Variants in PCCB observed in about 807,000 individuals in gnomAD.
PCCB encodes propionyl-CoA carboxylase subunit beta, also known as propionyl-CoA carboxylase beta chain, mitochondrial.
In PCCB, 43 loss-of-function variants were observed where a neutral mutation model predicts 60.7. That is an observed-to-expected ratio of 0.71 (90% CI 0.55 to 0.91). The LOEUF (loss-of-function observed/expected upper bound fraction) is 0.91, where lower values mean the gene tolerates loss of function less well. Among genes scored for constraint, PCCB ranks in the 40% least tolerant of loss-of-function variants. PCCB has a pLI of 0.00. For missense variants in PCCB, 766 were observed against 702.8 expected, an observed-to-expected ratio of 1.09 and a Z score of -1.02; for synonymous variants, 276 against 255.9, an observed-to-expected ratio of 1.08 and a Z score of -0.75.
chr3:136,251,148 A>C (rs945190877), intron 1 of PCCB: 68 of 450,064 alleles, frequency 1.5e-4, no homozygotes, highest in African/African-American at 1.2e-3. Context: ...ACGTGTCGGA[A>C]GCAGGTGGCC....
At chr3:136,269,264 A>G (rs1942121461) in intron 5 of PCCB, among the ~76,000 whole-genome samples, 1 of 152,206 alleles carries the variant, frequency 6.6e-6, no homozygotes. Flanking sequence ...GTCTCAAAAC[A>G]AAACAAAATA....
At chr3:136,316,040 G>A (rs1217079148) in intron 9 of PCCB, among the ~76,000 whole-genome samples, 4 of 151,904 alleles carry the variant, frequency 2.6e-5, no homozygotes, top group South Asian at 2.1e-4. Context: ...GCAACATAGC[G>A]AGATCTCATC....
chr3:136,310,002 C>T (rs1332586488), intron 9 of PCCB, among the ~76,000 whole-genome samples: 6 of 151,832 alleles, frequency 4.0e-5, no homozygotes, highest in South Asian at 2.1e-4. Context: ...GATGCTAAAA[C>T]GGGAGGATTG....
intron 10 of PCCB, among the ~76,000 whole-genome samples, chr3:136,322,659 T>C (rs139149697): frequency 3.3e-5 from 5 of 152,348 alleles, no homozygotes; most frequent in African/African-American, 1.2e-4. Flanking sequence ...GGTTTTTATA[T>C]TTGCCCATGT....
At chr3:136,253,383 A>G (rs1355511240) in intron 1 of PCCB, among the ~76,000 whole-genome samples, 2 of 148,092 alleles carry the variant, frequency 1.4e-5, no homozygotes, top group South Asian at 2.1e-4. Flanking sequence ...GCCACTGCAC[A>G]TGGCCTCTTT....
In PCCB at chr3:136,260,057, TTTTTGTTTTGTTTTG is replaced by T. The variant is rs10602343; in HGVS notation, c.373-401_373-387del. ...GCGAGCCACCATGCCCGGGCAACTT[TTTTTGTTTTGTTTTG>T]TTTTGTTTTGTTTTGTTTTGAGACA... On this transcript the variant is annotated intron_variant, in intron 3 of 14. Coordinates refer to ENST00000251654, the MANE Select transcript of PCCB (RefSeq NM_000532.5). 1.1e-4 allele frequency: 29 copies of T among 256,628 alleles called. No homozygotes were observed. In the East Asian group the frequency reaches 2.6e-3, roughly 23 times the overall value. 15.9% of individuals were successfully genotyped at this position (256,628 alleles called of 1,614,324 possible). A position where few individuals can be genotyped will look rare whatever the true frequency, so the allele number is the denominator to read the frequency against.
chr3:136,293,474 G>A (rs1392798648), intron 6 of PCCB, among the ~76,000 whole-genome samples: 2 of 152,186 alleles, frequency 1.3e-5, no homozygotes, highest in South Asian at 4.1e-4. Context: ...CTGAGTAAGA[G>A]CCACCTGTTA....
At chr3:136,326,525 C>A in intron 10 of PCCB, 1 of 649,144 alleles carries the variant, frequency 1.5e-6, no homozygotes, top group Non-Finnish European at 2.8e-6. Context: ...TGGCTCCCTG[C>A]GGCAAGGCCG....
chr3:136,328,676 C>A, intron 13 of PCCB, 82 bp from the exon 14 acceptor site: 2 of 1,135,424 alleles, frequency 1.8e-6, no homozygotes, highest in South Asian at 2.5e-5. Flanking sequence ...GAAATTTGCA[C>A]CCACACACAG....
rs760159781 is a variant in PCCB, at chr3:136,306,766, T to A, written c.966+5655T>A. Among the ~76,000 whole-genome samples, 64 of 122,270 alleles carry A rather than the reference T, an allele frequency of 5.2e-4. 19 individuals carry two copies. The highest frequency in any genetic ancestry group is 6.0e-4 in the Non-Finnish European group (33 of 54,806). The allele number at this position is 122,270 out of a possible 152,430, so 80.2% of individuals were successfully genotyped here. A position where few individuals can be genotyped will look rare whatever the true frequency, so the allele number is the denominator to read the frequency against. Reference sequence around the variant, plus strand: ...GACTACAATGAAAGGCAAAGAAGAATGAACATACATATAATTGGAGTGTCT... The same window carrying A: ...GACTACAATGAAAGGCAAAGAAGAAAGAACATACATATAATTGGAGTGTCT... On this transcript the variant is annotated intron_variant, in intron 9 of 14. Coordinates refer to ENST00000251654, the MANE Select transcript of PCCB (RefSeq NM_000532.5).
At chr3:136,292,987 T>C (rs1354152848) in intron 6 of PCCB, among the ~76,000 whole-genome samples, 1 of 152,226 alleles carries the variant, frequency 6.6e-6, no homozygotes, top group African/African-American at 2.4e-5. Flanking sequence ...TATCACTCTT[T>C]AATAGCAAAG....
chr3:136,260,552 C>G lies in PCCB; in HGVS notation c.429+17C>G. On this transcript the variant is annotated intron_variant, in intron 4 of 14. Coordinates refer to ENST00000251654, the MANE Select transcript of PCCB (RefSeq NM_000532.5). ...ATCTGCAAAGTAAGTGTTTAATACT[C>G]AAATTCAATCCATTGCTTTCCTCAG... 6.3e-7 allele frequency: 1 copy of G among 1,597,230 alleles called. No individual in the cohort carries two copies. The highest frequency in any genetic ancestry group is 8.6e-7 in the Non-Finnish European group (1 of 1,165,152).
chr3:136,256,641 T>C lies in PCCB; in HGVS notation c.372+18T>C. Reference sequence around the variant, plus strand: ...TCAGTCAGGTATTTCATAACTCCAATAGTCTGAACTTTTCTTGGAGGGCAG... The same window carrying C: ...TCAGTCAGGTATTTCATAACTCCAACAGTCTGAACTTTTCTTGGAGGGCAG... On this transcript the variant is annotated intron_variant, in intron 3 of 14. Coordinates refer to ENST00000251654, the MANE Select transcript of PCCB (RefSeq NM_000532.5). 1 of 1,559,330 alleles carries C rather than the reference T, an allele frequency of 6.4e-7. No individual in the cohort carries two copies. The highest frequency in any genetic ancestry group is 8.8e-7 in the Non-Finnish European group (1 of 1,129,976).
In PCCB at chr3:136,327,207, C is replaced by T. The variant is rs781546348; in HGVS notation, c.1251C>T (p.Tyr417=). The change falls in exon 12 of 15, where the codon TAC becomes TAT. Residue 417 remains tyrosine, a synonymous_variant. Transcript: ENST00000251654. ...GIIRHGAKLL[Y]AFAEATVPKV... The stretch of plus-strand genomic sequence containing the variant: ...TCCGGCATGGTGCCAAGCTTCTCTA[C>T]GCATTTGCTGAGGCAACTGTACCCA... 3.0e-5 allele frequency: 48 copies of T among 1,614,062 alleles called. No individual in the cohort carries two copies. The highest frequency in any genetic ancestry group is 6.7e-5 in the East Asian group (3 of 44,884).
At chr3:136,283,778 C>A in intron 5 of PCCB, 59 bp from the exon 6 acceptor site, 1 of 1,178,200 alleles carries the variant, frequency 8.5e-7, no homozygotes, top group Non-Finnish European at 1.3e-6. Flanking sequence ...TTTATCTTTC[C>A]ACAGATAATG....
At chr3:136,261,796 G>C (rs1312957521) in intron 4 of PCCB, among the ~76,000 whole-genome samples, 156 bp from the exon 5 acceptor site, 1 of 152,214 alleles carries the variant, frequency 6.6e-6, no homozygotes, top group Non-Finnish European at 1.5e-5. Flanking sequence ...TTCCATGAAG[G>C]TACCCAATCG....
At chr3:136,271,238 A>G (rs1399041113) in intron 5 of PCCB, among the ~76,000 whole-genome samples, 2 of 151,926 alleles carry the variant, frequency 1.3e-5, no homozygotes, top group Non-Finnish European at 1.5e-5. Context: ...CAGAATTTTT[A>G]TGGTTTCAGG....
chr3:136,276,410 C>T (rs1335321445), intron 5 of PCCB, among the ~76,000 whole-genome samples: 1 of 152,166 alleles, frequency 6.6e-6, no homozygotes, highest in Non-Finnish European at 1.5e-5. Context: ...ACCTCAGCTC[C>T]TTTGCCAGGC....
intron 9 of PCCB, among the ~76,000 whole-genome samples, chr3:136,310,521 C>A (rs1481189480): frequency 6.6e-6 from 1 of 152,138 alleles, no homozygotes; most frequent in Non-Finnish European, 1.5e-5. Flanking sequence ...GACTCTGTCT[C>A]AAACAAACAA....
Sources: allele counts gnomAD v4.1 joint callset (sites outside exome capture counted in the v4.1 genomes callset), GRCh38; gene constraint gnomAD v4.1.1; transcripts MANE v1.5; gene names NCBI Gene and HGNC (gene_info 2026-07-23, HGNC 2026-07-21).